The following SLIT3 variants were observed in gnomAD, a reference collection of about 807,000 sequenced individuals.
SLIT3 encodes slit guidance ligand 3, also known as slit homolog 3 protein.
Under a neutral mutation model 184.0 loss-of-function variants are expected in SLIT3, and 68 were observed. The observed-to-expected ratio is 0.37, with a 90% confidence interval of 0.30 to 0.45. The LOEUF (loss-of-function observed/expected upper bound fraction) is 0.45. Ranked by LOEUF, SLIT3 falls within the 20% of genes least tolerant of loss-of-function variation. The pLI, the probability that SLIT3 is intolerant of heterozygous loss-of-function variation, is 1.00. For missense variants in SLIT3, 1,707 were observed against 2,026.0 expected (o/e 0.84, Z 3.02); for synonymous variants, 831 against 828.6 (o/e 1.00, Z -0.05).
At chr5:168,971,981 A>C (rs1754592122) in intron 4 of SLIT3, among the ~76,000 whole-genome samples, 1 of 152,244 alleles carries the variant, frequency 6.6e-6, no homozygotes, top group Admixed American at 6.5e-5. Context: ...GATAAACTGC[A>C]AAAAATAATT....
At chr5:169,038,582 G>A (rs1013606424) in intron 4 of SLIT3, among the ~76,000 whole-genome samples, 2 of 152,174 alleles carry the variant, frequency 1.3e-5, no homozygotes, top group African/African-American at 4.8e-5. Context: ...ACTGAGCAGT[G>A]CTTCTCCTGT....
chr5:169,103,491 G>C (rs1315298454), intron 4 of SLIT3, among the ~76,000 whole-genome samples: 1 of 152,194 alleles, frequency 6.6e-6, no homozygotes. Context: ...GGTGAGTTTT[G>C]AAAGCAAGTG....
At chr5:169,281,033 G>A (rs1766975906) in intron 1 of SLIT3, among the ~76,000 whole-genome samples, 2 of 152,160 alleles carry the variant, frequency 1.3e-5, no homozygotes. Flanking sequence ...GGTCACAATA[G>A]GGAGTGGTAG....
chr5:168,838,453 C>T (rs1758127848), intron 6 of SLIT3, among the ~76,000 whole-genome samples: 1 of 152,136 alleles, frequency 6.6e-6, no homozygotes, highest in Non-Finnish European at 1.5e-5. Context: ...GGGACTCTAA[C>T]AAGATAATAT....
At chr5:168,891,970 A>T (rs1017030334) in intron 4 of SLIT3, among the ~76,000 whole-genome samples, 10 of 152,184 alleles carry the variant, frequency 6.6e-5, no homozygotes, top group Admixed American at 5.9e-4. Flanking sequence ...GTGCCAGCCA[A>T]TTGGATGCTT....
chr5:168,774,547 G>A (rs113306684), intron 12 of SLIT3, among the ~76,000 whole-genome samples, 169 bp from the exon 13 acceptor site: 8 of 152,078 alleles, frequency 5.3e-5, no homozygotes, highest in African/African-American at 7.2e-5. Flanking sequence ...TGTGTCTACC[G>A]AAACCCCAAA....
intron 4 of SLIT3, among the ~76,000 whole-genome samples, chr5:169,169,960 C>T (rs569790446): frequency 1.3e-5 from 2 of 152,298 alleles, no homozygotes; most frequent in South Asian, 4.1e-4. Context: ...GGGTGGAAGC[C>T]TGTGATGTGG....
intron 1 of SLIT3, among the ~76,000 whole-genome samples, chr5:169,256,092 G>A (rs533467758): frequency 6.6e-6 from 1 of 151,934 alleles, no homozygotes; most frequent in East Asian, 1.9e-4. Context: ...TACCTATTTA[G>A]GTATACTATT....
intron 4 of SLIT3, among the ~76,000 whole-genome samples, chr5:169,001,395 G>C (rs939094552): frequency 2.0e-5 from 3 of 152,052 alleles, no homozygotes; most frequent in African/African-American, 7.2e-5. Context: ...CCTATCTTTT[G>C]AGTTCGGCTT....
chr5:168,673,492 G>A (rs769835816), intron 32 of SLIT3, among the ~76,000 whole-genome samples, 161 bp from the exon 33 acceptor site: 1 of 152,212 alleles, frequency 6.6e-6, no homozygotes, highest in Non-Finnish European at 1.5e-5. Context: ...AAACAGTACA[G>A]AAGATGCTTA....
intron 4 of SLIT3, among the ~76,000 whole-genome samples, chr5:168,976,791 T>C (rs1180621619): frequency 6.6e-6 from 1 of 152,128 alleles, no homozygotes; most frequent in African/African-American, 2.4e-5. Context: ...TTGATTTAAG[T>C]GATGAATTAT....
chr5:168,815,627 T>C (rs1351569249), intron 8 of SLIT3, among the ~76,000 whole-genome samples: 3 of 152,228 alleles, frequency 2.0e-5, no homozygotes, highest in Non-Finnish European at 4.4e-5. Flanking sequence ...TAGGAAGTTA[T>C]TGAGGTACTG....
At chr5:169,061,955 C>G (rs1454156717) in intron 4 of SLIT3, among the ~76,000 whole-genome samples, 2 of 152,126 alleles carry the variant, frequency 1.3e-5, no homozygotes, top group Non-Finnish European at 2.9e-5. Flanking sequence ...GAATTTACGC[C>G]ACCCCAATCG....
At chr5:168,773,646 A>T (rs999036887) in intron 13 of SLIT3, among the ~76,000 whole-genome samples, 1 of 152,160 alleles carries the variant, frequency 6.6e-6, no homozygotes, top group Non-Finnish European at 1.5e-5. Context: ...TGGAGCCATC[A>T]AAAAATGGGC....
intron 3 of SLIT3, among the ~76,000 whole-genome samples, chr5:169,215,201 A>G (rs1764395651): frequency 6.6e-6 from 1 of 152,112 alleles, no homozygotes. Context: ...GCCATGACGA[A>G]CTTCCTTTAG....
At chr5:169,140,742 G>A (rs1761701954) in intron 4 of SLIT3, among the ~76,000 whole-genome samples, 1 of 152,166 alleles carries the variant, frequency 6.6e-6, no homozygotes, top group African/African-American at 2.4e-5. Flanking sequence ...CTAGGCTGCA[G>A]TGAGCCATGA....
chr5:168,988,960 A>G (rs1450108461), intron 4 of SLIT3, among the ~76,000 whole-genome samples: 1 of 152,244 alleles, frequency 6.6e-6, no homozygotes, highest in African/African-American at 2.4e-5. Context: ...ATGTACTTTC[A>G]TTAACAAATC....
chr5:169,273,408 G>A (rs1411287744), intron 1 of SLIT3, among the ~76,000 whole-genome samples: 5 of 152,300 alleles, frequency 3.3e-5, no homozygotes, highest in Admixed American at 3.3e-4. Context: ...ATGTACATGT[G>A]TATGCACATA....
intron 28 of SLIT3, among the ~76,000 whole-genome samples, chr5:168,693,506 G>A (rs1049946531): frequency 9.9e-5 from 15 of 152,198 alleles, no homozygotes; most frequent in Non-Finnish European, 1.2e-4. Context: ...TAGGAATGTG[G>A]GGGAGGGCGG....
Sources: gnomAD v4.1 joint callset for allele counts (sites outside exome capture counted in the v4.1 genomes callset) on GRCh38, gnomAD v4.1.1 for gene constraint, MANE v1.5 for transcripts, NCBI Gene and HGNC (gene_info 2026-07-23, HGNC 2026-07-21) for gene names.